PCDHGB6: variants seen among roughly 807,000 people sequenced by gnomAD.
PCDHGB6 encodes the protein protocadherin gamma subfamily B, 6, also known as protocadherin gamma-B6.
In PCDHGB6, 51 loss-of-function variants were observed where a neutral mutation model predicts 59.1. The ratio of observed to expected loss-of-function variants is 0.86; its 90% CI spans 0.69 to 1.09. The LOEUF is 1.09. Among genes scored for constraint, PCDHGB6 ranks in the 50% least tolerant of loss-of-function variants. The probability of loss-of-function intolerance (pLI) is 0.00; values close to 1 mark genes in which losing one functional copy is unlikely to be tolerated. For missense variants in PCDHGB6, 1,148 were observed against 1,205.1 expected (o/e 0.95, Z 0.70); for synonymous variants, 466 against 495.1 (o/e 0.94, Z 0.78).
rs1055042563 is a variant in PCDHGB6, at chr5:141,512,805, C to G, written c.*1632C>G. On this transcript the variant is annotated 3_prime_UTR_variant, in exon 4 of 4. Coordinates refer to ENST00000520790, the MANE Select transcript of PCDHGB6 (RefSeq NM_018926.3). ...TGTTGTGTTTTGTGCTGTGTCCACG[C>G]GCTAAGGCGACCCCCTCCCCCGTAC... 3.0e-4 allele frequency: 46 copies of G among 152,378 alleles called. No individual in the cohort carries two copies. Among genetic ancestry groups the G allele is most frequent in the African/African-American group, 9.9e-4 (41 of 41,570 alleles). The allele number at this position is 152,378 out of a possible 1,614,324, so 9.4% of individuals were successfully genotyped here.
At position 141,486,418 on chromosome 5, in the gene PCDHGB6, A is replaced by G. The variant is rs1174910867; in HGVS notation, c.2419-8389A>G. On this transcript the variant is annotated intron_variant, in intron 1 of 3. Transcript: ENST00000520790. This position sits in a 1 kb window ranked among gnomAD's most constrained non-coding sequence, Gnocchi z 5.0. ...TGGTGACTGCTGGACCCTTGGATCG[A>G]GAGGCCAAATCTAGCTATGACATCA... is the stretch of plus-strand genomic sequence containing the variant. The G allele has an allele frequency of 3.7e-6, 6 of 1,614,176 alleles. No individual in the cohort carries two copies. Among genetic ancestry groups the G allele is most frequent in the Non-Finnish European group, 5.1e-6 (6 of 1,180,020 alleles).
At chr5:141,430,078 T>A (rs911861599) in intron 1 of PCDHGB6, among the ~76,000 whole-genome samples, 2 of 152,282 alleles carry the variant, frequency 1.3e-5, no homozygotes, top group Admixed American at 1.3e-4. Context: ...TTCCATAATA[T>A]CATGAAAATT....
At chr5:141,468,746 G>A (rs1298497433) in intron 1 of PCDHGB6, among the ~76,000 whole-genome samples, 1 of 151,850 alleles carries the variant, frequency 6.6e-6, no homozygotes, top group Non-Finnish European at 1.5e-5. Flanking sequence ...GGTGCCTGTA[G>A]TCCCAGCTAC....
intron 1 of PCDHGB6, 132 bp downstream of exon 1, chr5:141,410,752 G>GT: frequency 4.4e-6 from 5 of 1,130,822 alleles, no homozygotes; most frequent in Non-Finnish European, 5.8e-6. Context: ...TTTTCTCAAT[G>GT]TTTTTTCAAT....
intron 1 of PCDHGB6, chr5:141,441,665 A>ACAGTG (rs936537442): frequency 7.5e-6 from 2 of 265,720 alleles, no homozygotes; most frequent in African/African-American, 4.7e-5. Flanking sequence ...CCTTGAGCGC[A>ACAGTG]CAGTGCGCCT....
At chr5:141,456,057 C>T (rs2098842079) in intron 1 of PCDHGB6, among the ~76,000 whole-genome samples, 1 of 151,914 alleles carries the variant, frequency 6.6e-6, no homozygotes, top group South Asian at 2.1e-4. Context: ...ACCACCACGT[C>T]CGGCTAATTT....
At chr5:141,427,570 C>A in intron 1 of PCDHGB6, 1 of 662,270 alleles carries the variant, frequency 1.5e-6, no homozygotes, top group Non-Finnish European at 2.8e-6. Flanking sequence ...GGCAAGCCTC[C>A]GCTCTCATCC....
chr5:141,458,350 A>C (rs1259508706), intron 1 of PCDHGB6, among the ~76,000 whole-genome samples: 1 of 152,162 alleles, frequency 6.6e-6, no homozygotes, highest in East Asian at 1.9e-4. Flanking sequence ...GGAGAGTTTA[A>C]TAAGCAAGAA....
intron 1 of PCDHGB6, among the ~76,000 whole-genome samples, chr5:141,455,890 T>G (rs1055285369): frequency 1.3e-5 from 2 of 149,264 alleles, no homozygotes; most frequent in African/African-American, 2.4e-5. Flanking sequence ...TTTATTTATT[T>G]ATTTATTTAT....
At chr5:141,460,993 A>T (rs1230217075) in intron 1 of PCDHGB6, among the ~76,000 whole-genome samples, 1 of 143,898 alleles carries the variant, frequency 6.9e-6, no homozygotes, top group South Asian at 2.2e-4. Flanking sequence ...GTATATATAT[A>T]TATGTGTATA....
At chr5:141,423,470 A>G in intron 1 of PCDHGB6, 1 of 1,614,002 alleles carries the variant, frequency 6.2e-7, no homozygotes, top group Non-Finnish European at 8.5e-7. Context: ...GACGGGGTAC[A>G]GGCTTTCCTG....
chr5:141,478,517 T>G (rs1593923092), intron 1 of PCDHGB6: 1 of 1,611,116 alleles, frequency 6.2e-7, no homozygotes, highest in Non-Finnish European at 8.5e-7. Context: ...TAGGCAGGTG[T>G]TGGGTGCAGA....
chr5:141,481,733 C>A (rs2099543522), intron 1 of PCDHGB6, among the ~76,000 whole-genome samples: 1 of 152,078 alleles, frequency 6.6e-6, no homozygotes, highest in Admixed American at 6.6e-5. Context: ...GCGGGCGGAT[C>A]ACGAGGTCAG....
chr5:141,414,592 G>T, intron 1 of PCDHGB6: 1 of 1,613,920 alleles, frequency 6.2e-7, no homozygotes, highest in Non-Finnish European at 8.5e-7. Flanking sequence ...CGCCAGGGGT[G>T]CCTCCATCTT....
At chr5:141,460,882 C>G (rs2098999926) in intron 1 of PCDHGB6, among the ~76,000 whole-genome samples, 1 of 149,600 alleles carries the variant, frequency 6.7e-6, no homozygotes, top group Non-Finnish European at 1.5e-5. Context: ...TTATTTCATG[C>G]CTTTTCGTGG....
At position 141,408,700 on chromosome 5, in the gene PCDHGB6, A is replaced by G. The variant is rs748315700; in HGVS notation, c.498A>G (p.Ser166=). 3.1e-6 allele frequency: 5 copies of G among 1,613,470 alleles called. No homozygotes were observed. Among genetic ancestry groups the G allele is most frequent in the Admixed American group, 3.3e-5 (2 of 59,976 alleles). The change falls in exon 1 of 4, where the codon TCA becomes TCG. Residue 166 remains serine (S), a synonymous_variant. Transcript: ENST00000520790. Reference sequence around the variant, plus strand: ...CGGATCCTGATATAAACATAAACTCAATTAAAGATTATAAGATAAACTCTA... The same window carrying G: ...CGGATCCTGATATAAACATAAACTCGATTAAAGATTATAAGATAAACTCTA... ...PATDPDININ[S]IKDYKINSNP... is the part of the protein sequence containing the mutation.
At chr5:141,449,137 A>C (rs1257120647) in intron 1 of PCDHGB6, among the ~76,000 whole-genome samples, 1 of 152,176 alleles carries the variant, frequency 6.6e-6, no homozygotes, top group Non-Finnish European at 1.5e-5. Context: ...AATGGAATTG[A>C]AATTGCTGGG....
chr5:141,485,827 G>A lies in PCDHGB6; in HGVS notation c.2419-8980G>A. 1 of 1,614,154 alleles carries A rather than the reference G, an allele frequency of 6.2e-7. No individual in the cohort carries two copies. The highest frequency in any genetic ancestry group is 1.1e-5 in the South Asian group (1 of 91,080). On this transcript the variant is annotated intron_variant, in intron 1 of 3. Coordinates refer to ENST00000520790, the MANE Select transcript of PCDHGB6 (RefSeq NM_018926.3). The surrounding 1 kb of genome is among the most constrained non-coding windows in gnomAD (Gnocchi z 5.7). Reference sequence around the variant, plus strand: ...TGGTGCTGACTGCTGTCGATGGAGGGAACCCGCCGAGATCTGGCACCGCAG... The same window carrying A: ...TGGTGCTGACTGCTGTCGATGGAGGAAACCCGCCGAGATCTGGCACCGCAG...
chr5:141,458,367 G>A (rs1297876142), intron 1 of PCDHGB6, among the ~76,000 whole-genome samples: 2 of 152,130 alleles, frequency 1.3e-5, no homozygotes, highest in African/African-American at 2.4e-5. Context: ...AGAAGGAAGG[G>A]AGAAGAGAGA....
Sources: allele counts gnomAD v4.1 joint callset (sites outside exome capture counted in the v4.1 genomes callset), GRCh38; gene constraint gnomAD v4.1.1; non-coding constraint Gnocchi (gnomAD v3.1); transcripts MANE v1.5; gene names NCBI Gene and HGNC (gene_info 2026-07-23, HGNC 2026-07-21).